Variants in OPCML observed in about 807,000 individuals in gnomAD.
OPCML encodes the protein opioid-binding protein/cell adhesion molecule.
In OPCML, 13 loss-of-function variants were observed where a neutral mutation model predicts 37.8. The observed-to-expected ratio is 0.34, with a 90% confidence interval of 0.22 to 0.55. The LOEUF is 0.55. Among genes scored for constraint, OPCML ranks in the 20% least tolerant of loss-of-function variants. The pLI, the probability that OPCML is intolerant of heterozygous loss-of-function variation, is 0.91. For missense variants in OPCML, 341 were observed against 435.6 expected (o/e 0.78, Z 1.93); for synonymous variants, 176 against 168.8 (o/e 1.04, Z -0.33).
rs375713971 is a variant in OPCML, at chr11:132,641,370, G to T, written c.379+15717C>A. Among the ~76,000 whole-genome samples, 191 of 152,202 alleles carry T rather than the reference G, an allele frequency of 1.3e-3. 5 individuals carry two copies. The Middle Eastern group carries it at 0.014, about 11-fold the overall frequency. On this transcript the variant is annotated intron_variant, in intron 3 of 7. Coordinates refer to ENST00000524381, the MANE Select transcript of OPCML (RefSeq NM_001012393.5). ...AGAGCTGCCACTTTCACCTCTTAAG[G>T]CAGGTGCAAGAGATCCCAGGTCAGG...
At chr11:132,695,059 A>G (rs1943553149) in intron 2 of OPCML, among the ~76,000 whole-genome samples, 1 of 152,248 alleles carries the variant, frequency 6.6e-6, no homozygotes, top group African/African-American at 2.4e-5. Context: ...TGTGCGTTTT[A>G]TCACTTGCAG....
At chr11:132,696,982 T>G (rs574705654) in intron 2 of OPCML, among the ~76,000 whole-genome samples, 11 of 152,320 alleles carry the variant, frequency 7.2e-5, no homozygotes, top group Admixed American at 2.0e-4. Context: ...TGAACACTTC[T>G]AAACAAAAAT....
intron 4 of OPCML, among the ~76,000 whole-genome samples, chr11:132,465,190 T>G (rs1229118983): frequency 1.3e-5 from 2 of 152,190 alleles, no homozygotes; most frequent in African/African-American, 4.8e-5. Context: ...ATTGCCATGA[T>G]CGTCCTTCTA....
chr11:132,669,259 A>T (rs1942354809), intron 2 of OPCML, among the ~76,000 whole-genome samples: 1 of 151,876 alleles, frequency 6.6e-6, no homozygotes, highest in Admixed American at 6.6e-5. Context: ...CTGAAGTCAG[A>T]TGCCAACCAT....
intron 1 of OPCML, among the ~76,000 whole-genome samples, chr11:133,091,173 G>A (rs796899642): frequency 6.6e-6 from 1 of 152,320 alleles, no homozygotes; most frequent in Non-Finnish European, 1.5e-5. Flanking sequence ...GGCACAAGTG[G>A]TCAGCTTTGG....
At position 132,943,446 on chromosome 11, in the gene OPCML, A is replaced by T; in HGVS notation, c.62-436T>A. On this transcript the variant is annotated intron_variant, in intron 1 of 7. Transcript: ENST00000524381. The surrounding 1 kb of genome is among the most constrained non-coding windows in gnomAD (Gnocchi z 4.3). ...TCTCTGCCTCTCTCTTCGAGACGCTACTTTAAGATTCAGTTGGGCACGTTC... is the reference window on the plus strand; with the variant it reads ...TCTCTGCCTCTCTCTTCGAGACGCTTCTTTAAGATTCAGTTGGGCACGTTC... 1 of 334,122 alleles carries T rather than the reference A, an allele frequency of 3.0e-6. No homozygotes were observed. The highest frequency in any genetic ancestry group is 5.7e-6 in the Non-Finnish European group (1 of 176,556). The allele number at this position is 334,122 out of a possible 1,614,324, so 20.7% of individuals were successfully genotyped here.
rs764292956 is a variant in OPCML at position 132,943,129 on chromosome 11, G to T, written c.62-119C>A. On this transcript the variant is annotated intron_variant, in intron 1 of 7. Coordinates refer to ENST00000524381, the MANE Select transcript of OPCML (RefSeq NM_001012393.5). This position sits in a 1 kb window ranked among gnomAD's most constrained non-coding sequence, Gnocchi z 4.3. ...ACAACTTCCCAGGACTCCGGCAGCC[G>T]CACAGTCCTGGTCCCCCGCCCCGCG... The T allele has an allele frequency of 2.5e-6, 4 of 1,613,228 alleles. No homozygotes were observed. The highest frequency in any genetic ancestry group is 3.3e-4 in the Middle Eastern group (2 of 6,078).
chr11:133,079,892 A>G (rs905414739), intron 1 of OPCML, among the ~76,000 whole-genome samples: 2 of 152,196 alleles, frequency 1.3e-5, no homozygotes, highest in Non-Finnish European at 2.9e-5. Context: ...TGCCCGTCCA[A>G]GGGGATGGAA....
chr11:132,814,772 T>A (rs1297804595), intron 2 of OPCML, among the ~76,000 whole-genome samples: 3 of 152,090 alleles, frequency 2.0e-5, no homozygotes, highest in Admixed American at 2.0e-4. Context: ...GAATTTGCTA[T>A]GGGGGGCTGT....
chr11:133,512,354 T>G (rs1667540952), intron 1 of OPCML, among the ~76,000 whole-genome samples: 1 of 152,236 alleles, frequency 6.6e-6, no homozygotes, highest in Non-Finnish European at 1.5e-5. Flanking sequence ...TTACAAAGGC[T>G]ACAGATGAAC....
chr11:133,140,790 A>C (rs5002554), intron 1 of OPCML, among the ~76,000 whole-genome samples: 895 of 37,496 alleles, frequency 0.024, 60 homozygotes, highest in African/African-American at 0.048. Context: ...AAGACGACGA[A>C]GAAGAAGAAG....
intron 1 of OPCML, among the ~76,000 whole-genome samples, chr11:133,382,184 CT>C (rs1367978071): frequency 3.9e-5 from 6 of 152,248 alleles, no homozygotes; most frequent in African/African-American, 1.2e-4. Flanking sequence ...AATCTGCCCC[CT>C]GACCCAACAT....
chr11:133,381,296 A>G (rs1944922901), intron 1 of OPCML, among the ~76,000 whole-genome samples: 1 of 152,270 alleles, frequency 6.6e-6, no homozygotes, highest in South Asian at 2.1e-4. Flanking sequence ...CAGCAGGGAA[A>G]AATGCCCTCA....
chr11:132,428,089 A>AT (rs2095983621), intron 7 of OPCML, among the ~76,000 whole-genome samples: 1 of 152,226 alleles, frequency 6.6e-6, no homozygotes, highest in African/African-American at 2.4e-5. Context: ...ATATCATGTG[A>AT]TGAACGTCTT....
chr11:133,151,536 C>G (rs1357537582), intron 1 of OPCML, among the ~76,000 whole-genome samples: 1 of 151,892 alleles, frequency 6.6e-6, no homozygotes, highest in Admixed American at 6.6e-5. Flanking sequence ...TATAAAAGAG[C>G]TTTGGTATAT....
intron 4 of OPCML, among the ~76,000 whole-genome samples, chr11:132,478,487 A>G (rs1175053167): frequency 6.6e-6 from 1 of 152,194 alleles, no homozygotes; most frequent in Non-Finnish European, 1.5e-5. Flanking sequence ...CCTTAACATG[A>G]GCCCCCCAAA....
chr11:132,491,879 C>T (rs140352191), intron 4 of OPCML, among the ~76,000 whole-genome samples: 58 of 149,838 alleles, frequency 3.9e-4, no homozygotes, highest in African/African-American at 1.4e-3. Context: ...TTGGAGATAT[C>T]GTAGGAACTT....
chr11:133,524,238 C>T (rs1193947777), intron 1 of OPCML, among the ~76,000 whole-genome samples: 1 of 152,182 alleles, frequency 6.6e-6, no homozygotes, highest in African/African-American at 2.4e-5. Flanking sequence ...ACAGCAAGAC[C>T]GTGAAATAGG....
intron 4 of OPCML, among the ~76,000 whole-genome samples, chr11:132,472,068 A>G (rs1359201777): frequency 6.6e-6 from 1 of 152,072 alleles, no homozygotes; most frequent in African/African-American, 2.4e-5. Flanking sequence ...CACATTCAAC[A>G]CTCAGCTTGG....
Sources: allele counts gnomAD v4.1 joint callset (sites outside exome capture counted in the v4.1 genomes callset), GRCh38; gene constraint gnomAD v4.1.1; non-coding constraint Gnocchi (gnomAD v3.1); transcripts MANE v1.5; gene names NCBI Gene and HGNC (gene_info 2026-07-23, HGNC 2026-07-21).